ARK2C: variants seen among roughly 807,000 people sequenced by gnomAD.
ARK2C encodes the protein arkadia (RNF111) C-terminal like ring finger ubiquitin ligase 2C.
chr18:46,393,060 C>T, the ARK2C span, among the ~76,000 whole-genome samples: 2 of 152,184 alleles, frequency 1.3e-5, no homozygotes, highest in Admixed American at 6.5e-5. Flanking sequence ...CACACAGCTA[C>T]TTAGTGGCAG....
the ARK2C span, among the ~76,000 whole-genome samples, chr18:46,455,789 C>T: frequency 1.3e-5 from 2 of 152,166 alleles, no homozygotes; most frequent in Admixed American, 1.3e-4. Context: ...GAGCCAAGAT[C>T]ACGCTATTGC....
chr18:46,450,672 G>T, the ARK2C span: 16 of 1,546,630 alleles, frequency 1.0e-5, no homozygotes, highest in Non-Finnish European at 1.4e-5. Flanking sequence ...TATACATGCT[G>T]AGCACACATG....
At chr18:46,334,742 G>C in the ARK2C span, 1 of 337,822 alleles carries the variant, frequency 3.0e-6, no homozygotes, top group Non-Finnish European at 5.3e-6. This position sits in a 1 kb window ranked among gnomAD's most constrained non-coding sequence, Gnocchi z 4.4. Context: ...GCGCGCGCGA[G>C]AGCATGCTTG....
chr18:46,366,385 G>T, the ARK2C span, among the ~76,000 whole-genome samples: 1 of 151,730 alleles, frequency 6.6e-6, no homozygotes, highest in Admixed American at 6.6e-5. Flanking sequence ...GAGACAGCTG[G>T]GAACAGCTGA....
At chr18:46,399,234 G>C in the ARK2C span, among the ~76,000 whole-genome samples, 1 of 152,186 alleles carries the variant, frequency 6.6e-6, no homozygotes, top group African/African-American at 2.4e-5. Flanking sequence ...CAGGCGGTGG[G>C]GGTGGGACTG....
chr18:46,454,196 A>G, the ARK2C span, among the ~76,000 whole-genome samples: 1 of 151,922 alleles, frequency 6.6e-6, no homozygotes, highest in Non-Finnish European at 1.5e-5. Flanking sequence ...AAAACAAGGT[A>G]ATATTAAGCT....
the ARK2C span, among the ~76,000 whole-genome samples, chr18:46,431,412 G>A: frequency 4.3e-3 from 653 of 152,218 alleles, 5 homozygotes; most frequent in African/African-American, 0.015. Flanking sequence ...GTGGCCAGTT[G>A]GGGACCCAGT....
chr18:46,438,393 G>T, the ARK2C span, among the ~76,000 whole-genome samples: 1 of 152,178 alleles, frequency 6.6e-6, no homozygotes, highest in Non-Finnish European at 1.5e-5. Flanking sequence ...GCCCACCTAG[G>T]GCAGACCATC....
chr18:46,364,348 A>T, the ARK2C span, among the ~76,000 whole-genome samples: 1 of 152,012 alleles, frequency 6.6e-6, no homozygotes, highest in African/African-American at 2.4e-5. Context: ...TTGGGTCAAA[A>T]ATTCACAGAA....
the ARK2C span, among the ~76,000 whole-genome samples, chr18:46,403,252 T>C: frequency 9.3e-4 from 142 of 152,302 alleles, no homozygotes; most frequent in African/African-American, 3.4e-3. Flanking sequence ...CTCGAATCTA[T>C]TCTGACCTGA....
At chr18:46,424,181 G>A in the ARK2C span, among the ~76,000 whole-genome samples, 1 of 152,202 alleles carries the variant, frequency 6.6e-6, no homozygotes, top group Non-Finnish European at 1.5e-5. Flanking sequence ...GGGCTCCCAA[G>A]GGAGTTAACA....
the ARK2C span, among the ~76,000 whole-genome samples, chr18:46,409,158 C>A: frequency 9.2e-5 from 14 of 152,118 alleles, no homozygotes; most frequent in East Asian, 5.8e-4. Flanking sequence ...CAACTGCAGG[C>A]CTTCAAGATC....
chr18:46,418,974 T>C, the ARK2C span, among the ~76,000 whole-genome samples: 1 of 152,204 alleles, frequency 6.6e-6, no homozygotes, highest in African/African-American at 2.4e-5. Flanking sequence ...ACATTGAAAG[T>C]AAAAGTGAGA....
the ARK2C span, among the ~76,000 whole-genome samples, chr18:46,453,913 G>A: frequency 1.3e-5 from 2 of 151,726 alleles, no homozygotes. Flanking sequence ...AGGAGTTTGA[G>A]ACCAGCCTGG....
At chr18:46,353,794 A>G in the ARK2C span, among the ~76,000 whole-genome samples, 1 of 152,148 alleles carries the variant, frequency 6.6e-6, no homozygotes, top group South Asian at 2.1e-4. Context: ...AGATAACCAG[A>G]TACAGACAGC....
the ARK2C span, among the ~76,000 whole-genome samples, chr18:46,379,760 A>G: frequency 6.6e-6 from 1 of 152,218 alleles, no homozygotes; most frequent in African/African-American, 2.4e-5. Flanking sequence ...CTTCAGGACC[A>G]CAGACAGGGG....
chr18:46,453,379 T>C, the ARK2C span, among the ~76,000 whole-genome samples: 14 of 152,292 alleles, frequency 9.2e-5, no homozygotes, highest in African/African-American at 3.1e-4. Context: ...TGTTTACTCC[T>C]ACCGAGGATG....
At chr18:46,364,978 G>C in the ARK2C span, among the ~76,000 whole-genome samples, 1 of 152,164 alleles carries the variant, frequency 6.6e-6, no homozygotes, top group Non-Finnish European at 1.5e-5. Context: ...CACTCTCAGA[G>C]GTCTGTTTCT....
At chr18:46,409,089 T>C in the ARK2C span, among the ~76,000 whole-genome samples, 24 of 152,164 alleles carry the variant, frequency 1.6e-4, no homozygotes, top group African/African-American at 5.8e-4. Flanking sequence ...TTAATATATG[T>C]GGAGCACCTA....
Sources: gnomAD v4.1 joint callset for allele counts (sites outside exome capture counted in the v4.1 genomes callset) on GRCh38, gnomAD v4.1.1 for gene constraint, Gnocchi (gnomAD v3.1) non-coding constraint, MANE v1.5 for transcripts, NCBI Gene and HGNC (gene_info 2026-07-23, HGNC 2026-07-21) for gene names.